The following RLN3 variants were observed in gnomAD, a reference collection of about 807,000 sequenced individuals.
RLN3 encodes the protein relaxin 3, also known as relaxin-3.
In RLN3, 13 loss-of-function variants were observed where a neutral mutation model predicts 10.2. The ratio of observed to expected loss-of-function variants is 1.28; its 90% CI spans 0.83 to 2.03. RLN3 has a LOEUF of 2.03. Among genes scored for constraint, RLN3 ranks in the 30% most tolerant of loss-of-function variants. RLN3 has a pLI of 0.00. For synonymous variants in RLN3, 56 were observed against 79.2 expected, an observed-to-expected ratio of 0.71 and a Z score of 1.56; for missense variants, 191 against 187.2, an observed-to-expected ratio of 1.02 and a Z score of -0.12.
At chr19:14,029,261 AAGG>A in intron 1 of RLN3, among the ~76,000 whole-genome samples, 1 of 152,084 alleles carries the variant, frequency 6.6e-6, no homozygotes. Flanking sequence ...TGATGGTGAG[AAGG>A]AGGATAGGTA....
Position 14,030,802 on chromosome 19 carries a change from A to G in RLN3, c.283A>G (p.Lys95Glu), listed in dbSNP as rs1975792393. The G allele has an allele frequency of 6.2e-7, 1 of 1,614,102 alleles. No homozygotes were observed. The highest frequency in any genetic ancestry group is 8.5e-7 in the Non-Finnish European group (1 of 1,180,024). Residue 95 changes from lysine to glutamate, a missense_variant, in exon 2 of 2, where the codon AAG becomes GAG. Lys to Glu is a moderately conservative substitution (Grantham distance 56, BLOSUM62 1). Transcript: ENST00000431365. ...MGSSEWLALT[K>E]SPQAFYRGRP... ...GTCCAGCGAGTGGCTGGCCCTGACC[A>G]AGTCACCCCAGGCCTTTTACAGGGG...
intron 1 of RLN3, chr19:14,030,381 T>G: frequency 1.4e-6 from 1 of 693,222 alleles, no homozygotes; most frequent in Non-Finnish European, 2.6e-6. Context: ...ATGACAGGGC[T>G]GGGTGCGGTG....
Position 14,031,050 on chromosome 19 carries a change from T to C in RLN3, c.*102T>C. 2 of 808,450 alleles carry C rather than the reference T, an allele frequency of 2.5e-6. No homozygotes were observed. Among genetic ancestry groups the C allele is most frequent in the Non-Finnish European group, 4.0e-6 (2 of 495,042 alleles). The allele number at this position is 808,450 out of a possible 1,614,324, so 50.1% of individuals were successfully genotyped here. A position where few individuals can be genotyped will look rare whatever the true frequency, so the allele number is the denominator to read the frequency against. On this transcript the variant is annotated 3_prime_UTR_variant, in exon 2 of 2. Transcript: ENST00000431365. ...CACCTGTCTTTCGAGCCTCACACAT[T>C]CATTCATTCATCTACAAGTCACAGA...
chr19:14,030,106 G>C (rs1975774679), intron 1 of RLN3: 1 of 579,456 alleles, frequency 1.7e-6, no homozygotes, highest in South Asian at 2.1e-5. Flanking sequence ...ACAGGTGTGA[G>C]ACACCGTGCC....
rs1204661833 is a variant in RLN3 at position 14,028,217 on chromosome 19, ATGC to A, written c.24_26del (p.Leu10del). On this transcript the variant is annotated inframe_deletion, in exon 1 of 2. Transcript: ENST00000431365. ...ATCTCCGTCCAGCATGGCCAGGTAC[ATGC>A]TGCTGCTGCTCCTGGCGGTATGGGT... 1.3e-6 allele frequency: 2 copies of A among 1,595,520 alleles called. No homozygotes were observed. Among genetic ancestry groups the A allele is most frequent in the Admixed American group, 1.8e-5 (1 of 56,598 alleles).
At chr19:14,030,169 G>GTTT in intron 1 of RLN3, 6 of 548,294 alleles carry the variant, frequency 1.1e-5, no homozygotes, top group African/African-American at 2.0e-5. Flanking sequence ...ATTGTTCTAA[G>GTTT]TTTTTTTTTT....
intron 1 of RLN3, among the ~76,000 whole-genome samples, chr19:14,028,750 C>A (rs984765941): frequency 9.9e-5 from 15 of 152,058 alleles, no homozygotes; most frequent in Non-Finnish European, 1.3e-4. Context: ...GACCTCTCCC[C>A]AGCAAGTTGG....
In RLN3 at chr19:14,028,449, C is replaced by T; in HGVS notation, c.190+55C>T. The T allele has an allele frequency of 5.3e-6, 8 of 1,507,584 alleles. No homozygotes were observed. In the South Asian group the frequency reaches 8.6e-5, roughly 16 times the overall value. The allele number at this position is 1,507,584 out of a possible 1,614,324, so 93.4% of individuals were successfully genotyped here. A position where few individuals can be genotyped will look rare whatever the true frequency, so the allele number is the denominator to read the frequency against. On this transcript the variant is annotated intron_variant, in intron 1 of 1. Transcript: ENST00000431365. ...GGGGAACAGGTGGCTGGATGGGTCC[C>T]AGGAGCTAAGGACAGAGATAAGAGG... is the stretch of plus-strand genomic sequence containing the variant.
chr19:14,030,085 G>A (rs1184474505), intron 1 of RLN3, among the ~76,000 whole-genome samples: 1 of 151,900 alleles, frequency 6.6e-6, no homozygotes, highest in South Asian at 2.1e-4. Flanking sequence ...GCCCCTGGAA[G>A]TGCTGGGATT....
At position 14,028,232 on chromosome 19, in the gene RLN3, C is replaced by T; in HGVS notation, c.28C>T (p.Leu10=). Reference sequence around the variant, plus strand: ...GGCCAGGTACATGCTGCTGCTGCTCCTGGCGGTATGGGTGCTGACCGGGGA... The same window carrying T: ...GGCCAGGTACATGCTGCTGCTGCTCTTGGCGGTATGGGTGCTGACCGGGGA... The part of the protein sequence containing the change: MARYMLLLL[L]AVWVLTGELW... Residue 10 remains leucine (L), a synonymous_variant, in exon 1 of 2, where the codon CTG becomes TTG. Transcript: ENST00000431365. The T allele has an allele frequency of 6.2e-7, 1 of 1,606,170 alleles. No homozygotes were observed. Among genetic ancestry groups the T allele is most frequent in the South Asian group, 1.1e-5 (1 of 90,244 alleles).
chr19:14,030,076 C>T (rs997350028), intron 1 of RLN3, among the ~76,000 whole-genome samples: 12 of 151,824 alleles, frequency 7.9e-5, no homozygotes, highest in African/African-American at 2.9e-4. Flanking sequence ...CCAGCATGTG[C>T]CCCTGGAAGT....
intron 1 of RLN3, chr19:14,030,332 G>T: frequency 1.4e-6 from 1 of 702,016 alleles, no homozygotes; most frequent in Non-Finnish European, 2.6e-6. Context: ...GCTCCCAAAT[G>T]TACCAGGTCC....
In RLN3 at chr19:14,031,016, C is replaced by A; in HGVS notation, c.*68C>A. The A allele has an allele frequency of 9.2e-7, 1 of 1,090,136 alleles. No individual in the cohort carries two copies. Among genetic ancestry groups the A allele is most frequent in the South Asian group, 1.5e-5 (1 of 66,038 alleles). 67.5% of individuals were successfully genotyped at this position (1,090,136 alleles called of 1,614,324 possible). ...GTCCTGCCATCCACTCAACTAGTGT[C>A]TGGCTGGGCACCTGTCTTTCGAGCC... On this transcript the variant is annotated 3_prime_UTR_variant, in exon 2 of 2. Transcript: ENST00000431365.
At position 14,031,508 on chromosome 19, in the gene RLN3, T is replaced by G; in HGVS notation, c.*560T>G. The G allele has an allele frequency of 3.3e-6, 1 of 301,862 alleles. No individual in the cohort carries two copies. The highest frequency in any genetic ancestry group is 6.2e-6 in the Non-Finnish European group (1 of 161,412). The allele number at this position is 301,862 out of a possible 1,614,324, so 18.7% of individuals were successfully genotyped here. ...CCCCCCTAGGAGAGCTCTGGGCACA[T>G]TCGAATCTTCCCAAACTCCAATAAT... On this transcript the variant is annotated 3_prime_UTR_variant, in exon 2 of 2. Coordinates refer to ENST00000431365, the MANE Select transcript of RLN3 (RefSeq NM_080864.4).
chr19:14,028,272 C>T lies in RLN3; in HGVS notation c.68C>T (p.Ala23Val). 1 of 1,613,546 alleles carries T rather than the reference C, an allele frequency of 6.2e-7. No homozygotes were observed. The highest frequency in any genetic ancestry group is 8.5e-7 in the Non-Finnish European group (1 of 1,179,838). The change falls in exon 1 of 2, where the codon GCT becomes GTT. Residue 23 changes from alanine to valine, a missense_variant. Physicochemically the swap from Ala to Val is moderately conservative, Grantham distance 64 (BLOSUM62 0). Transcript: ENST00000431365. ...CTGACCGGGGAGCTGTGGCCGGGAG[C>T]TGAGGCCCGGGCAGCGCCTTACGGG... is the stretch of plus-strand genomic sequence containing the variant. ...WVLTGELWPGAEARAAPYGVR... is the reference protein window; with the variant it reads ...WVLTGELWPGVEARAAPYGVR...
chr19:14,028,496 C>T, intron 1 of RLN3, 102 bp downstream of exon 1: 5 of 1,033,320 alleles, frequency 4.8e-6, no homozygotes, highest in Non-Finnish European at 7.0e-6. Context: ...GGAGGAGGGT[C>T]CCTGTCCTGC....
chr19:14,029,928 A>C (rs1004044670), intron 1 of RLN3, among the ~76,000 whole-genome samples: 4 of 151,420 alleles, frequency 2.6e-5, no homozygotes, highest in African/African-American at 9.7e-5. Context: ...CTTGGGCTCA[A>C]GCAATTCTCC....
rs1975790956 is a variant in RLN3, at chr19:14,030,766, G to A, written c.247G>A (p.Glu83Lys). 1.2e-6 allele frequency: 2 copies of A among 1,614,126 alleles called. No individual in the cohort carries two copies. The highest frequency in any genetic ancestry group is 1.7e-6 in the Non-Finnish European group (2 of 1,180,050). Residue 83 changes from glutamate (E) to lysine (K), a missense_variant, in exon 2 of 2, where the codon GAG becomes AAG. Physicochemically the swap from Glu to Lys is moderately conservative, Grantham distance 56. Transcript: ENST00000431365. ...AGACAGTCTGGCAGGCGAGCTGGATGAGGCCATGGGGTCCAGCGAGTGGCT... is the reference window on the plus strand; with the variant it reads ...AGACAGTCTGGCAGGCGAGCTGGATAAGGCCATGGGGTCCAGCGAGTGGCT... Reference protein sequence around the residue: ...DEDSLAGELDEAMGSSEWLAL... With the variant: ...DEDSLAGELDKAMGSSEWLAL...
rs764402832 is a variant in RLN3, at chr19:14,030,773, T to A, written c.254T>A (p.Met85Lys). Residue 85 changes from methionine to lysine, a missense_variant, in exon 2 of 2, where the codon ATG (methionine) becomes AAG (lysine). Coordinates refer to ENST00000431365, the MANE Select transcript of RLN3 (RefSeq NM_080864.4). ...CTGGCAGGCGAGCTGGATGAGGCCATGGGGTCCAGCGAGTGGCTGGCCCTG... is the reference window on the plus strand; with the variant it reads ...CTGGCAGGCGAGCTGGATGAGGCCAAGGGGTCCAGCGAGTGGCTGGCCCTG... Reference protein sequence around the residue: ...DSLAGELDEAMGSSEWLALTK... With the variant: ...DSLAGELDEAKGSSEWLALTK... 1.2e-6 allele frequency: 2 copies of A among 1,614,208 alleles called. No individual in the cohort carries two copies. The highest frequency in any genetic ancestry group is 1.7e-5 in the Admixed American group (1 of 60,012).
Sources: gnomAD v4.1 joint callset for allele counts (sites outside exome capture counted in the v4.1 genomes callset) on GRCh38, gnomAD v4.1.1 for gene constraint, MANE v1.5 for transcripts, NCBI Gene and HGNC (gene_info 2026-07-23, HGNC 2026-07-21) for gene names.